IL10RB: variants seen among roughly 807,000 people sequenced by gnomAD.
The protein encoded by IL10RB is interleukin-10 receptor subunit beta.
A neutral mutation model predicts 38.7 loss-of-function variants in IL10RB; 30 were observed. The observed-to-expected ratio is 0.78, with a 90% CI of 0.58 to 1.05. The LOEUF is 1.05. IL10RB is among the 50% of genes least tolerant of loss of function. The pLI is 0.00. For synonymous variants in IL10RB, 142 were observed against 145.9 expected (o/e 0.97, Z 0.19); for missense variants, 328 against 397.1 (o/e 0.83, Z 1.48).
At chr21:33,276,556 C>T in intron 2 of IL10RB, 40 bp from the exon 3 acceptor site, 1 of 1,583,630 alleles carries the variant, frequency 6.3e-7, no homozygotes, top group Non-Finnish European at 8.7e-7. Context: ...GAGACTGAAG[C>T]CAGAACTCTC....
At chr21:33,299,630 A>G (rs1815923617), downstream of IL10RB, among the ~76,000 whole-genome samples, 3 of 152,104 alleles carry the variant, frequency 2.0e-5, no homozygotes, top group Non-Finnish European at 4.4e-5. Flanking sequence ...TCTCACAACC[A>G]TGGGTCTCAG....
intron 6 of IL10RB, 78 bp downstream of exon 6, chr21:33,288,339 T>G: frequency 4.1e-6 from 5 of 1,233,878 alleles, no homozygotes; most frequent in East Asian, 2.3e-5. Flanking sequence ...GGCTGCCCAA[T>G]TCCAGACAAC....
At chr21:33,287,271 A>G (rs1989392280) in intron 5 of IL10RB, among the ~76,000 whole-genome samples, 1 of 152,336 alleles carries the variant, frequency 6.6e-6, no homozygotes, top group African/African-American at 2.4e-5. Context: ...TTTTCCAGAC[A>G]GGAATTCAAG....
chr21:33,290,626 T>C (rs1318945335), intron 6 of IL10RB, among the ~76,000 whole-genome samples: 1 of 152,120 alleles, frequency 6.6e-6, no homozygotes, highest in African/African-American at 2.4e-5. Flanking sequence ...CCCACATGAT[T>C]GTTGGTCTTG....
exon 2 of IL10RB, chr21:33,309,651 C>T (rs934909490): frequency 3.3e-5 from 5 of 152,234 alleles, no homozygotes; most frequent in African/African-American, 1.2e-4. Flanking sequence ...TCAAAAGCCA[C>T]AGGTTTACCT....
At chr21:33,295,361 A>G (rs78620832) in intron 6 of IL10RB, among the ~76,000 whole-genome samples, 1 of 150,090 alleles carries the variant, frequency 6.7e-6, no homozygotes, top group East Asian at 1.9e-4. Context: ...CCGTCTGAAA[A>G]AAAAAAAAAA....
intron 4 of IL10RB, among the ~76,000 whole-genome samples, chr21:33,281,614 C>G (rs927195580): frequency 2.6e-5 from 4 of 152,172 alleles, no homozygotes; most frequent in Non-Finnish European, 5.9e-5. Context: ...GAGTCACAGT[C>G]TGTCGTTGCC....
chr21:33,290,100 C>T lies in IL10RB; in HGVS notation c.804+1839C>T, dbSNP rs57934181. On this transcript the variant is annotated intron_variant, in intron 6 of 6. Coordinates refer to ENST00000290200, the MANE Select transcript of IL10RB (RefSeq NM_000628.5). ...CTGCACTCTAACCTGGGCAACAGAG[C>T]GAGACTCCGTCTCAAAAAAAAAAAA... Among the ~76,000 whole-genome samples the T allele has an allele frequency of 4.0e-4, 61 of 151,156 alleles. 1 individual carries two copies. In the East Asian group the frequency reaches 0.011, roughly 27 times the overall value.
chr21:33,289,291 CT>C (rs1345240531), intron 6 of IL10RB, among the ~76,000 whole-genome samples: 1 of 152,226 alleles, frequency 6.6e-6, no homozygotes, highest in African/African-American at 2.4e-5. Flanking sequence ...CCACTTGGAT[CT>C]ACTGGAAGCA....
At chr21:33,299,573 A>T (rs371287930), downstream of IL10RB, among the ~76,000 whole-genome samples, 4 of 151,690 alleles carry the variant, frequency 2.6e-5, no homozygotes, top group African/African-American at 9.7e-5. Flanking sequence ...TACCTCCCAC[A>T]CCCATCCCCA....
intron 6 of IL10RB, among the ~76,000 whole-genome samples, chr21:33,290,405 C>T (rs1024353210): frequency 6.6e-6 from 1 of 151,998 alleles, no homozygotes. Context: ...TTTAAAAATC[C>T]GAAAGCCATG....
chr21:33,304,921 C>T (rs755155428), intron 1 of IL10RB, among the ~76,000 whole-genome samples: 34 of 152,108 alleles, frequency 2.2e-4, no homozygotes, highest in Non-Finnish European at 4.0e-4. Context: ...GCGTTATTTT[C>T]CTAAAGATCG....
At chr21:33,309,049 T>C (rs999159100) in exon 2 of IL10RB, 2 of 152,260 alleles carry the variant, frequency 1.3e-5, no homozygotes, top group Non-Finnish European at 2.9e-5. Flanking sequence ...AGGTTCTTTA[T>C]GACAGCTGGA....
intron 6 of IL10RB, chr21:33,293,874 T>C (rs1989537684): frequency 4.9e-6 from 2 of 404,678 alleles, no homozygotes; most frequent in Non-Finnish European, 1.0e-5. Flanking sequence ...TATGAGCTTT[T>C]GAGAAGCCAC....
rs1989017475 is a variant in IL10RB, at chr21:33,268,559, C to A, written c.173+42C>A. ...TATTGGCAGGAACGCACCGGAGGAGCCAGCCCTGGGCTGGTCACTGGGTTG... is the reference window on the plus strand; with the variant it reads ...TATTGGCAGGAACGCACCGGAGGAGACAGCCCTGGGCTGGTCACTGGGTTG... On this transcript the variant is annotated intron_variant, in intron 2 of 6. Coordinates refer to ENST00000290200, the MANE Select transcript of IL10RB (RefSeq NM_000628.5). The A allele has an allele frequency of 3.5e-6, 5 of 1,421,044 alleles. No homozygotes were observed. The African/African-American group carries it at 5.6e-5, about 16-fold the overall frequency. 88.0% of individuals were successfully genotyped at this position (1,421,044 alleles called of 1,614,324 possible).
chr21:33,287,977 T>A, intron 5 of IL10RB, 127 bp from the exon 6 acceptor site: 2 of 922,954 alleles, frequency 2.2e-6, no homozygotes, highest in Non-Finnish European at 3.6e-6. Flanking sequence ...CCAGTTGCTG[T>A]TTCTGAGACG....
At chr21:33,266,628 G>C in intron 1 of IL10RB, 114 bp downstream of exon 1, 1 of 1,064,014 alleles carries the variant, frequency 9.4e-7, no homozygotes, top group Non-Finnish European at 1.4e-6. Flanking sequence ...TCGGGGCCTC[G>C]GGAGAGAAGA....
intron 2 of IL10RB, among the ~76,000 whole-genome samples, chr21:33,270,898 C>A (rs1440925284): frequency 6.6e-6 from 1 of 151,836 alleles, no homozygotes; most frequent in Non-Finnish European, 1.5e-5. Flanking sequence ...TGGTCTTGAA[C>A]TCCTGGCCTC....
chr21:33,289,324 A>T lies in IL10RB; in HGVS notation c.804+1063A>T, dbSNP rs8178532. Among the ~76,000 whole-genome samples, 131 of 152,292 alleles carry T rather than the reference A, an allele frequency of 8.6e-4. 1 individual carries two copies. Among genetic ancestry groups the T allele is most frequent in the African/African-American group, 3.1e-3 (127 of 41,548 alleles). On this transcript the variant is annotated intron_variant, in intron 6 of 6. Coordinates refer to ENST00000290200, the MANE Select transcript of IL10RB (RefSeq NM_000628.5). Reference sequence around the variant, plus strand: ...AGCAGCTCCTCCAGGATCTGAGTTGATCTCGTTTCCTGGGGAGGGTTACAG... The same window carrying T: ...AGCAGCTCCTCCAGGATCTGAGTTGTTCTCGTTTCCTGGGGAGGGTTACAG...
Sources: allele counts gnomAD v4.1 joint callset (sites outside exome capture counted in the v4.1 genomes callset), GRCh38; gene constraint gnomAD v4.1.1; transcripts MANE v1.5; gene names NCBI Gene and HGNC (gene_info 2026-07-23, HGNC 2026-07-21).